The following DNAL1 variants were observed in gnomAD, a reference collection of about 807,000 sequenced individuals.
DNAL1 encodes the protein dynein axonemal light chain 1.
Under a neutral mutation model 29.4 loss-of-function variants are expected in DNAL1, and 17 were observed. The observed-to-expected ratio is 0.58, with a 90% CI of 0.40 to 0.87. DNAL1 has a LOEUF of 0.87. Ranked by LOEUF, DNAL1 falls within the 40% of genes least tolerant of loss-of-function variation. The probability of loss-of-function intolerance (pLI) is 0.00; values close to 1 mark genes in which losing one functional copy is unlikely to be tolerated. For missense variants in DNAL1, 188 were observed against 214.1 expected, an observed-to-expected ratio of 0.88 and a Z score of 0.76; for synonymous variants, 78 against 76.3, an observed-to-expected ratio of 1.02 and a Z score of -0.12.
At chr14:73,658,469 T>G (rs1891265620) in intron 2 of DNAL1, among the ~76,000 whole-genome samples, 1 of 152,236 alleles carries the variant, frequency 6.6e-6, no homozygotes, top group African/African-American at 2.4e-5. Flanking sequence ...GGAATTACAT[T>G]GAATCTGTAG....
At chr14:73,685,567 C>G (rs2140056880) in intron 5 of DNAL1, among the ~76,000 whole-genome samples, 1 of 150,462 alleles carries the variant, frequency 6.6e-6, no homozygotes, top group Non-Finnish European at 1.5e-5. Flanking sequence ...TCAAGTGATT[C>G]TTCTGCCTCA....
At chr14:73,659,115 CTGG>C in intron 3 of DNAL1, among the ~76,000 whole-genome samples, 159 bp downstream of exon 3, 1 of 150,672 alleles carries the variant, frequency 6.6e-6, no homozygotes, top group African/African-American at 2.4e-5. Context: ...TGAAAAATGA[CTGG>C]TTTATAGGAT....
Position 73,687,242 on chromosome 14 carries a change from A to T in DNAL1, c.265-17A>T, listed in dbSNP as rs1308650887. ...AAGCTTAAACATAAACATAAATCAA[A>T]TTTTGTTCTTTTTCAGGAGGCAGTA... is the stretch of plus-strand genomic sequence containing the variant. On this transcript the variant is annotated splice_polypyrimidine_tract_variant and intron_variant, in intron 5 of 7. Transcript: ENST00000553645. 24 of 1,609,492 alleles carry T rather than the reference A, an allele frequency of 1.5e-5. No homozygotes were observed. The highest frequency in any genetic ancestry group is 2.0e-5 in the Non-Finnish European group (23 of 1,178,874).
chr14:73,688,020 A>G (rs922579453), intron 6 of DNAL1, among the ~76,000 whole-genome samples: 6 of 151,012 alleles, frequency 4.0e-5, no homozygotes, highest in Non-Finnish European at 8.9e-5. Context: ...AAAGAACTTG[A>G]AAAAAAAAAT....
At chr14:73,649,482 C>T (rs1595198623) in intron 1 of DNAL1, among the ~76,000 whole-genome samples, 2 of 150,916 alleles carry the variant, frequency 1.3e-5, no homozygotes, top group African/African-American at 4.8e-5. Flanking sequence ...TGGGGTTTCA[C>T]CATGATAGCC....
At chr14:73,645,750 A>C (rs1222685869) in intron 1 of DNAL1, among the ~76,000 whole-genome samples, 1 of 152,224 alleles carries the variant, frequency 6.6e-6, no homozygotes, top group Non-Finnish European at 1.5e-5. Flanking sequence ...CCAGCTGTCT[A>C]TCCAATGAGA....
intron 4 of DNAL1, among the ~76,000 whole-genome samples, chr14:73,662,567 C>G (rs1273803410): frequency 6.6e-6 from 1 of 152,158 alleles, no homozygotes; most frequent in Non-Finnish European, 1.5e-5. Flanking sequence ...AAGCCATGCT[C>G]CCTCTGGAGG....
intron 7 of DNAL1, among the ~76,000 whole-genome samples, chr14:73,694,015 C>T (rs1177179581): frequency 6.6e-6 from 1 of 151,976 alleles, no homozygotes; most frequent in Non-Finnish European, 1.5e-5. Flanking sequence ...AGAACATGTC[C>T]CTCTTGGAAG....
At chr14:73,650,316 TA>T (rs1387656871) in intron 1 of DNAL1, among the ~76,000 whole-genome samples, 5 of 152,152 alleles carry the variant, frequency 3.3e-5, no homozygotes, top group Admixed American at 3.3e-4. Context: ...TATTATTTTT[TA>T]TTGTTGTTAT....
At chr14:73,673,127 C>T (rs1054176954) in intron 5 of DNAL1, 2 of 152,070 alleles carry the variant, frequency 1.3e-5, no homozygotes, top group African/African-American at 4.8e-5. Context: ...TGTCCAGTTT[C>T]TGAGCCTTAG....
At position 73,654,879 on chromosome 14, in the gene DNAL1, G is replaced by C; in HGVS notation, c.36G>C (p.Ala12=). 1 of 1,539,746 alleles carries C rather than the reference G, an allele frequency of 6.5e-7. No individual in the cohort carries two copies. The highest frequency in any genetic ancestry group is 1.2e-5 in the South Asian group (1 of 81,120). Residue 12 remains alanine (A), a synonymous_variant, in exon 2 of 8, where the codon GCG becomes GCC. Coordinates refer to ENST00000553645, the MANE Select transcript of DNAL1 (RefSeq NM_031427.4). The stretch of plus-strand genomic sequence containing the variant: ...CAACAACAATCAAAGAAGCCTTAGC[G>C]AGATGGGTGAGTACATGAGTTTTTC... ...AKATTIKEAL[A]RWEEKTGQRP...
chr14:73,684,889 G>A (rs970807819), intron 5 of DNAL1, among the ~76,000 whole-genome samples: 2 of 151,954 alleles, frequency 1.3e-5, no homozygotes, highest in Non-Finnish European at 2.9e-5. Context: ...TCGAGACTCT[G>A]TCTCTAAACT....
intron 1 of DNAL1, 114 bp downstream of exon 1, chr14:73,645,156 G>C: frequency 6.5e-7 from 1 of 1,530,118 alleles, no homozygotes; most frequent in Non-Finnish European, 8.9e-7. Flanking sequence ...GGAGCCGGTA[G>C]CTGACGCTAG....
Position 73,697,846 on chromosome 14 carries a change from C to G in DNAL1, c.*1904C>G, listed in dbSNP as rs1490193907. The G allele has an allele frequency of 6.6e-6, 1 of 151,154 alleles. No individual in the cohort carries two copies. The highest frequency in any genetic ancestry group is 1.5e-5 in the Non-Finnish European group (1 of 67,922). The allele number at this position is 151,154 out of a possible 1,614,324, so 9.4% of individuals were successfully genotyped here. A position where few individuals can be genotyped will look rare whatever the true frequency, so the allele number is the denominator to read the frequency against. ...TGATAGGAAGAAACCTTATTCTACT[C>G]TAGCTGGTTTATGCATTCAAAGCCT... On this transcript the variant is annotated 3_prime_UTR_variant, in exon 8 of 8. Transcript: ENST00000553645.
In DNAL1 at chr14:73,699,308, ATT is replaced by A. The variant is rs34120437; in HGVS notation, c.*3380_*3381del. ...GTCACTGGTATTTTTTGTAATGCTCATTTTTTTTTTTTTTTGAGACAGAGTCT... is the reference window on the plus strand; with the variant it reads ...GTCACTGGTATTTTTTGTAATGCTCATTTTTTTTTTTTTGAGACAGAGTCT... On this transcript the variant is annotated 3_prime_UTR_variant, in exon 8 of 8. Transcript: ENST00000553645. 99 of 141,094 alleles carry A rather than the reference ATT, an allele frequency of 7.0e-4. No individual in the cohort carries two copies. The highest frequency in any genetic ancestry group is 1.9e-3 in the African/African-American group (74 of 38,650). The allele number at this position is 141,094 out of a possible 1,614,324, so 8.7% of individuals were successfully genotyped here. A position where few individuals can be genotyped will look rare whatever the true frequency, so the allele number is the denominator to read the frequency against.
At chr14:73,671,660 G>A in intron 5 of DNAL1, 63 bp downstream of exon 5, 2 of 1,328,992 alleles carry the variant, frequency 1.5e-6, no homozygotes, top group Non-Finnish European at 2.0e-6. Flanking sequence ...ATAATTTCTT[G>A]GATAAATTCC....
intron 3 of DNAL1, among the ~76,000 whole-genome samples, chr14:73,660,232 C>T (rs2140032324): frequency 6.6e-6 from 1 of 152,214 alleles, no homozygotes; most frequent in Admixed American, 6.5e-5. Context: ...GCCTGGCCTA[C>T]TTATTTTGTA....
In DNAL1 at chr14:73,689,315, G is replaced by A. The variant is rs531267492; in HGVS notation, c.392-60G>A. On this transcript the variant is annotated intron_variant, in intron 6 of 7. Coordinates refer to ENST00000553645, the MANE Select transcript of DNAL1 (RefSeq NM_031427.4). ...CCAAAGTTCTGGGATTACAGGCGTG[G>A]ACCACCGCACCCGGCCAAAACTTAG... The A allele has an allele frequency of 9.1e-6, 14 of 1,541,884 alleles. No individual in the cohort carries two copies. The East Asian group carries it at 1.7e-4, about 19-fold the overall frequency.
rs1240401059 is a variant in DNAL1, at chr14:73,689,523, A to G, written c.532+8A>G. 1.9e-6 allele frequency: 3 copies of G among 1,588,174 alleles called. No homozygotes were observed. In the Admixed American group the frequency reaches 5.4e-5, roughly 28 times the overall value. On this transcript the variant is annotated splice_region_variant and intron_variant, in intron 7 of 7. Transcript: ENST00000553645. ...AACTGAAAAAGCTGGATGGTGAGTG[A>G]TTCTGAGCTGGCTTAGACATATCTT...
Sources: allele counts gnomAD v4.1 joint callset (sites outside exome capture counted in the v4.1 genomes callset), GRCh38; gene constraint gnomAD v4.1.1; transcripts MANE v1.5; gene names NCBI Gene and HGNC (gene_info 2026-07-23, HGNC 2026-07-21).